The following PKIA variants were observed in gnomAD, a reference collection of about 807,000 sequenced individuals.
PKIA encodes PKI-alpha.
A neutral mutation model predicts 7.6 loss-of-function variants in PKIA; 4 were observed. The ratio of observed to expected loss-of-function variants is 0.52; its 90% CI spans 0.26 to 1.20. The LOEUF (loss-of-function observed/expected upper bound fraction) is 1.20, where lower values mean the gene tolerates loss of function less well. PKIA is among the 50% of genes most tolerant of loss of function. PKIA has a pLI of 0.13. For synonymous variants in PKIA, 21 were observed against 30.7 expected, an observed-to-expected ratio of 0.68 and a Z score of 1.04; for missense variants, 73 against 86.2, an observed-to-expected ratio of 0.85 and a Z score of 0.61.
chr8:78,550,551 A>G (rs1806956550), intron 1 of PKIA, among the ~76,000 whole-genome samples: 1 of 152,120 alleles, frequency 6.6e-6, no homozygotes, highest in South Asian at 2.1e-4. Flanking sequence ...CCAAACCTGG[A>G]ACACAGATTC....
intron 1 of PKIA, among the ~76,000 whole-genome samples, chr8:78,550,327 A>C (rs1806951826): frequency 1.3e-5 from 2 of 152,246 alleles, no homozygotes; most frequent in African/African-American, 4.8e-5. Flanking sequence ...TGATTATTAC[A>C]TTTCAAAAAG....
At chr8:78,560,335 C>T (rs13270368) in intron 1 of PKIA, among the ~76,000 whole-genome samples, 1 of 152,138 alleles carries the variant, frequency 6.6e-6, no homozygotes, top group Non-Finnish European at 1.5e-5. Context: ...TAGGTTAACT[C>T]TAAGCTTTTT....
intron 2 of PKIA, among the ~76,000 whole-genome samples, chr8:78,580,293 T>C (rs1807774609): frequency 6.6e-6 from 1 of 152,118 alleles, no homozygotes; most frequent in South Asian, 2.1e-4. Context: ...ATTTAGCTGA[T>C]ACTGCATATT....
At chr8:78,527,515 C>A (rs941881730) in intron 1 of PKIA, among the ~76,000 whole-genome samples, 2 of 151,806 alleles carry the variant, frequency 1.3e-5, no homozygotes, top group South Asian at 4.1e-4. Context: ...TTTCCAGAGC[C>A]AAGTTTAACA....
intron 1 of PKIA, among the ~76,000 whole-genome samples, chr8:78,523,482 T>C (rs1809455637): frequency 6.6e-6 from 1 of 152,028 alleles, no homozygotes; most frequent in East Asian, 1.9e-4. Flanking sequence ...CAGCAGTTTT[T>C]TGGTCATTGC....
chr8:78,532,024 T>A (rs1479774129), intron 1 of PKIA, among the ~76,000 whole-genome samples: 1 of 152,126 alleles, frequency 6.6e-6, no homozygotes, highest in Admixed American at 6.6e-5. Flanking sequence ...CAAATAAAAT[T>A]CAAGTAACTT....
chr8:78,530,163 G>A (rs1437155957), intron 1 of PKIA, among the ~76,000 whole-genome samples: 1 of 151,826 alleles, frequency 6.6e-6, no homozygotes, highest in Non-Finnish European at 1.5e-5. Flanking sequence ...TTGTCTTATT[G>A]GACAATACCA....
At chr8:78,520,266 TGA>T (rs1809391828) in intron 1 of PKIA, among the ~76,000 whole-genome samples, 1 of 152,204 alleles carries the variant, frequency 6.6e-6, no homozygotes, top group African/African-American at 2.4e-5. Flanking sequence ...ATAAATATAC[TGA>T]GAGTACATTC....
chr8:78,571,633 C>T (rs1807550017), intron 1 of PKIA, among the ~76,000 whole-genome samples: 1 of 152,160 alleles, frequency 6.6e-6, no homozygotes, highest in Non-Finnish European at 1.5e-5. Context: ...CAAGAGTAAC[C>T]TGTTCAGTGC....
At chr8:78,591,584 G>C (rs914228231) in intron 2 of PKIA, among the ~76,000 whole-genome samples, 1 of 152,050 alleles carries the variant, frequency 6.6e-6, no homozygotes, top group Non-Finnish European at 1.5e-5. Flanking sequence ...TTAGATGTCA[G>C]GTTTTAGAGA....
chr8:78,581,145 A>G (rs1807797693), intron 2 of PKIA, among the ~76,000 whole-genome samples: 1 of 152,066 alleles, frequency 6.6e-6, no homozygotes, highest in Non-Finnish European at 1.5e-5. Flanking sequence ...AGAAAGCATA[A>G]GATGACCCTA....
chr8:78,589,385 A>C (rs1808038196), intron 2 of PKIA, among the ~76,000 whole-genome samples: 1 of 152,220 alleles, frequency 6.6e-6, no homozygotes, highest in Non-Finnish European at 1.5e-5. Context: ...CCCAATTATA[A>C]AAGTATTTTC....
intron 3 of PKIA, among the ~76,000 whole-genome samples, chr8:78,599,820 C>T (rs1251455855): frequency 6.6e-6 from 1 of 151,780 alleles, no homozygotes. Flanking sequence ...TTTAGCTGCT[C>T]TTAATATTAG....
chr8:78,553,629 T>C (rs944755033), intron 1 of PKIA, among the ~76,000 whole-genome samples: 2 of 152,002 alleles, frequency 1.3e-5, no homozygotes, highest in African/African-American at 4.8e-5. Context: ...TCTGATTATA[T>C]GTTGCACTGC....
chr8:78,566,988 A>G (rs1563582437), intron 1 of PKIA, among the ~76,000 whole-genome samples: 1 of 152,168 alleles, frequency 6.6e-6, no homozygotes, highest in Non-Finnish European at 1.5e-5. Flanking sequence ...TTTTTCTTCA[A>G]CATCAATATC....
chr8:78,573,239 T>C (rs1404449930), intron 2 of PKIA, among the ~76,000 whole-genome samples: 1 of 152,080 alleles, frequency 6.6e-6, no homozygotes, highest in African/African-American at 2.4e-5. Flanking sequence ...CCTTTCAGTA[T>C]TTTCTTTTAA....
chr8:78,539,675 A>G (rs1217720865), intron 1 of PKIA, among the ~76,000 whole-genome samples: 1 of 152,052 alleles, frequency 6.6e-6, no homozygotes, highest in Non-Finnish European at 1.5e-5. Context: ...AAAAATGAAG[A>G]ATATGTGATT....
At chr8:78,559,131 AG>A (rs1481251631) in intron 1 of PKIA, among the ~76,000 whole-genome samples, 1 of 152,166 alleles carries the variant, frequency 6.6e-6, no homozygotes, top group African/African-American at 2.4e-5. Context: ...CATGTTGGCC[AG>A]GGTGGTCTCA....
chr8:78,540,668 CT>C (rs1417199322), intron 1 of PKIA, among the ~76,000 whole-genome samples: 8 of 151,874 alleles, frequency 5.3e-5, no homozygotes, highest in African/African-American at 1.9e-4. Flanking sequence ...GGGGCAGGGA[CT>C]TCTTTCAGTT....
Sources: gnomAD v4.1 joint callset for allele counts (sites outside exome capture counted in the v4.1 genomes callset) on GRCh38, gnomAD v4.1.1 for gene constraint, MANE v1.5 for transcripts, NCBI Gene and HGNC (gene_info 2026-07-23, HGNC 2026-07-21) for gene names.